The following ACOXL variants were observed in gnomAD, a reference collection of about 807,000 sequenced individuals.
ACOXL encodes the protein acyl-CoA oxidase like, also known as acyl-coenzyme A oxidase-like protein.
Under a neutral mutation model 71.9 loss-of-function variants are expected in ACOXL, and 70 were observed. The observed-to-expected ratio is 0.97, with a 90% CI of 0.80 to 1.19. The LOEUF (loss-of-function observed/expected upper bound fraction) is 1.19. Among genes scored for constraint, ACOXL ranks in the 50% most tolerant of loss-of-function variants. The probability of loss-of-function intolerance (pLI) is 0.00; values close to 1 mark genes in which losing one functional copy is unlikely to be tolerated. For missense variants in ACOXL, 703 were observed against 736.3 expected, an observed-to-expected ratio of 0.95 and a Z score of 0.52; for synonymous variants, 253 against 281.6, an observed-to-expected ratio of 0.90 and a Z score of 1.02.
chr2:111,106,755 C>T (rs1012843874), intron 17 of ACOXL, among the ~76,000 whole-genome samples: 1 of 152,142 alleles, frequency 6.6e-6, no homozygotes, highest in Non-Finnish European at 1.5e-5. Flanking sequence ...AGGTTCTCTA[C>T]TTAGTCTCTG....
intron 10 of ACOXL, among the ~76,000 whole-genome samples, chr2:110,897,267 T>G (rs772986485): frequency 3.9e-5 from 6 of 152,306 alleles, no homozygotes; most frequent in Non-Finnish European, 7.4e-5. Context: ...ATGTGCTAAA[T>G]GCATATATTA....
intron 10 of ACOXL, among the ~76,000 whole-genome samples, chr2:110,881,421 CTT>C (rs920877145): frequency 4.6e-5 from 7 of 152,002 alleles, no homozygotes; most frequent in Non-Finnish European, 1.0e-4. Flanking sequence ...TTTGTTAACT[CTT>C]TTAATATAAC....
At chr2:111,013,860 A>T (rs73954907) in intron 14 of ACOXL, among the ~76,000 whole-genome samples, 55,167 of 151,874 alleles carry the variant, frequency 0.36, 10,718 homozygotes, top group African/African-American at 0.5. Flanking sequence ...ATTCTCCACG[A>T]ATATAGGTGA....
chr2:110,753,377 T>TA (rs1679258568), intron 1 of ACOXL, among the ~76,000 whole-genome samples: 1 of 152,224 alleles, frequency 6.6e-6, no homozygotes, highest in African/African-American at 2.4e-5. Context: ...AGTGGACTAA[T>TA]ACACTCATTG....
At chr2:110,827,971 C>CTAT (rs1008479704) in intron 9 of ACOXL, among the ~76,000 whole-genome samples, 7 of 152,006 alleles carry the variant, frequency 4.6e-5, no homozygotes, top group East Asian at 1.9e-4. Context: ...TATTATTCTC[C>CTAT]TATTATTATT....
intron 17 of ACOXL, among the ~76,000 whole-genome samples, chr2:111,114,728 C>T (rs1041796860): frequency 2.0e-5 from 3 of 152,054 alleles, no homozygotes; most frequent in Middle Eastern, 3.2e-3. Context: ...GACTGCAAAG[C>T]TTAGTCACTG....
chr2:110,840,885 C>T (rs1438894017), intron 9 of ACOXL, among the ~76,000 whole-genome samples: 1 of 152,214 alleles, frequency 6.6e-6, no homozygotes, highest in African/African-American at 2.4e-5. Flanking sequence ...TAGGGAGACT[C>T]TGGCCCAGGT....
At position 111,117,615 on chromosome 2, in the gene ACOXL, GT is replaced by G. The variant is rs1292052889; in HGVS notation, c.1544del (p.Leu515CysfsTer8). On this transcript the variant is annotated frameshift_variant and splice_region_variant, in exon 18 of 18. Transcript: ENST00000439055. LOFTEE classifies it low-confidence loss of function (END_TRUNC). ...CTGTCCCATTGTGTTGTGTTTTGCAGTTGCTGGATTTGTGCGACTCGGTGAA... is the reference window on the plus strand; with the variant it reads ...CTGTCCCATTGTGTTGTGTTTTGCAGTGCTGGATTTGTGCGACTCGGTGAA... ...PMASTRIRNQLLDLCDSVKDD... is the reference protein window; with the variant it reads ...PMASTRIRNQXLDLCDSVKDD... The G allele has an allele frequency of 6.4e-7, 1 of 1,551,780 alleles. No homozygotes were observed. The highest frequency in any genetic ancestry group is 2.4e-5 in the East Asian group (1 of 40,928).
intron 9 of ACOXL, among the ~76,000 whole-genome samples, chr2:110,814,995 C>G (rs78332858): frequency 1.3e-5 from 2 of 152,104 alleles, no homozygotes; most frequent in African/African-American, 4.8e-5. Flanking sequence ...CTAATAAAGA[C>G]ATACCCGAGA....
Position 110,768,481 on chromosome 2 carries a change from T to G in ACOXL, c.75+17T>G. 1 of 1,611,402 alleles carries G rather than the reference T, an allele frequency of 6.2e-7. No homozygotes were observed. The highest frequency in any genetic ancestry group is 8.5e-7 in the Non-Finnish European group (1 of 1,178,006). ...CAGGATCTGGTAAGTGTCATTATTA[T>G]TCTGGTATGGTTGTGTGTGTGTGTG... is the stretch of plus-strand genomic sequence containing the variant. On this transcript the variant is annotated intron_variant, in intron 2 of 17. Transcript: ENST00000439055.
At chr2:110,875,468 G>A (rs1353282591) in intron 10 of ACOXL, among the ~76,000 whole-genome samples, 8 of 152,138 alleles carry the variant, frequency 5.3e-5, no homozygotes, top group East Asian at 3.9e-4. Flanking sequence ...GGTGTGGAGC[G>A]TGGAGCCCCA....
At chr2:110,804,619 G>GT (rs1172213846) in intron 8 of ACOXL, among the ~76,000 whole-genome samples, 1 of 151,644 alleles carries the variant, frequency 6.6e-6, no homozygotes, top group East Asian at 1.9e-4. Context: ...ATAAAATGTG[G>GT]TATATCCATA....
intron 9 of ACOXL, among the ~76,000 whole-genome samples, chr2:110,830,464 A>G (rs1012772903): frequency 3.9e-5 from 6 of 151,912 alleles, no homozygotes; most frequent in African/African-American, 1.5e-4. Context: ...ATCATACTTC[A>G]TAGAAAACTT....
rs1304761255 is a variant in ACOXL, at chr2:110,826,705, C to T, written c.754-14666C>T. ...ATGTTAAAGTTAGAAGACATCCAGA[C>T]ATCCTTCTGAGATTTGGAGATGTTG... On this transcript the variant is annotated intron_variant, in intron 9 of 17. Coordinates refer to ENST00000439055, the MANE Select transcript of ACOXL (RefSeq NM_001142807.4). Among the ~76,000 whole-genome samples, 3 of 150,722 alleles carry T rather than the reference C, an allele frequency of 2.0e-5. No homozygotes were observed. The East Asian group carries it at 5.8e-4, about 29-fold the overall frequency.
intron 3 of ACOXL, among the ~76,000 whole-genome samples, chr2:110,786,058 G>A (rs754855497): frequency 6.6e-4 from 100 of 152,206 alleles, no homozygotes; most frequent in Non-Finnish European, 1.2e-3. Context: ...TCAGGTGGGC[G>A]TGTCTGCTGC....
chr2:110,825,216 T>A (rs1173496416), intron 9 of ACOXL, among the ~76,000 whole-genome samples: 1 of 152,198 alleles, frequency 6.6e-6, no homozygotes, highest in Admixed American at 6.5e-5. Flanking sequence ...CTTTGCTCAA[T>A]TTTCCTGGTT....
chr2:110,994,281 T>C (rs2063298948), intron 13 of ACOXL, among the ~76,000 whole-genome samples: 1 of 152,348 alleles, frequency 6.6e-6, no homozygotes, highest in Non-Finnish European at 1.5e-5. Flanking sequence ...AGAATAAACA[T>C]TGACATCTTT....
chr2:110,977,593 C>T (rs1263353498), intron 12 of ACOXL, among the ~76,000 whole-genome samples: 1 of 152,102 alleles, frequency 6.6e-6, no homozygotes, highest in Non-Finnish European at 1.5e-5. Flanking sequence ...TTTCTCTTTC[C>T]AAATCCATTG....
intron 1 of ACOXL, among the ~76,000 whole-genome samples, chr2:110,753,272 A>G (rs72830993): frequency 0.062 from 9,397 of 152,236 alleles, 518 homozygotes; most frequent in African/African-American, 0.14. Context: ...GCAAATGCTG[A>G]TGCCATGCTT....
Sources: gnomAD v4.1 joint callset for allele counts (sites outside exome capture counted in the v4.1 genomes callset) on GRCh38, gnomAD v4.1.1 for gene constraint, MANE v1.5 for transcripts, NCBI Gene and HGNC (gene_info 2026-07-23, HGNC 2026-07-21) for gene names.